PRKCA: variants seen among roughly 807,000 people sequenced by gnomAD.
The protein encoded by PRKCA is protein kinase C alpha type.
Under a neutral mutation model 87.0 loss-of-function variants are expected in PRKCA, and 27 were observed. That is an observed-to-expected ratio of 0.31 (90% CI 0.23 to 0.43). PRKCA has a LOEUF of 0.43. PRKCA is among the 20% of genes least tolerant of loss of function. PRKCA has a pLI of 1.00. For synonymous variants in PRKCA, 329 were observed against 311.1 expected (o/e 1.06, Z -0.61); for missense variants, 518 against 852.3 (o/e 0.61, Z 4.88).
In PRKCA at chr17:66,332,938, G is replaced by A. The variant is rs567153264; in HGVS notation, c.205+26811G>A. Reference sequence around the variant, plus strand: ...AATCTCCTGACCTTGTGATCCACCCGCCTTGGCCTCCCGAAGTGCTGGGAT... The same window carrying A: ...AATCTCCTGACCTTGTGATCCACCCACCTTGGCCTCCCGAAGTGCTGGGAT... On this transcript the variant is annotated intron_variant, in intron 2 of 16. Coordinates refer to ENST00000413366, the MANE Select transcript of PRKCA (RefSeq NM_002737.3). 3.3e-5 allele frequency among the ~76,000 whole-genome samples: 5 copies of A among 152,212 alleles called. No individual in the cohort carries two copies. In the South Asian group the frequency reaches 6.2e-4, roughly 19 times the overall value.
intron 2 of PRKCA, among the ~76,000 whole-genome samples, chr17:66,380,908 A>G (rs1909740402): frequency 6.6e-6 from 1 of 151,878 alleles, no homozygotes; most frequent in African/African-American, 2.4e-5. Flanking sequence ...TTTGTTCCTT[A>G]TAAAGAATCT....
chr17:66,632,166 T>G (rs1971033899), intron 3 of PRKCA, among the ~76,000 whole-genome samples: 1 of 152,190 alleles, frequency 6.6e-6, no homozygotes, highest in Non-Finnish European at 1.5e-5. Context: ...ATAGCCAGTG[T>G]ATTCAGCTGG....
At chr17:66,426,332 T>C (rs1488924477) in intron 2 of PRKCA, among the ~76,000 whole-genome samples, 1 of 152,058 alleles carries the variant, frequency 6.6e-6, no homozygotes, top group Admixed American at 6.6e-5. Flanking sequence ...TTTTGTAAGT[T>C]TTTGAGGAGA....
chr17:66,317,141 C>CAAA (rs1203756925), intron 2 of PRKCA, among the ~76,000 whole-genome samples: 1 of 82,230 alleles, frequency 1.2e-5, no homozygotes. Flanking sequence ...GACTCTGTCT[C>CAAA]AAAAAAAAAA....
At chr17:66,773,650 G>A (rs781761523) in intron 13 of PRKCA, among the ~76,000 whole-genome samples, 14 of 151,812 alleles carry the variant, frequency 9.2e-5, no homozygotes, top group African/African-American at 1.5e-4. Flanking sequence ...TGCTGCACCC[G>A]GCCTCTGGCT....
intron 8 of PRKCA, among the ~76,000 whole-genome samples, chr17:66,693,189 A>T (rs1215690201): frequency 6.6e-6 from 1 of 152,198 alleles, no homozygotes; most frequent in Non-Finnish European, 1.5e-5. Context: ...GGAATATTCC[A>T]GGGTGGCTGG....
At chr17:66,396,777 C>T (rs1910701922) in intron 2 of PRKCA, among the ~76,000 whole-genome samples, 2 of 150,464 alleles carry the variant, frequency 1.3e-5, no homozygotes, top group Admixed American at 1.3e-4. Context: ...TACAGGCACC[C>T]GCCACCATGC....
chr17:66,487,314 C>A (rs1232551735), intron 2 of PRKCA, among the ~76,000 whole-genome samples: 1 of 152,102 alleles, frequency 6.6e-6, no homozygotes, highest in Admixed American at 6.6e-5. Context: ...CACATAATGA[C>A]CTCCAGTTCT....
At chr17:66,546,087 GGT>G (rs1968137620) in intron 3 of PRKCA, among the ~76,000 whole-genome samples, 2 of 152,034 alleles carry the variant, frequency 1.3e-5, no homozygotes, top group African/African-American at 4.8e-5. Context: ...TATGTAGTCT[GGT>G]CCTTTTTTAT....
intron 5 of PRKCA, among the ~76,000 whole-genome samples, chr17:66,665,392 T>TC (rs952032699): frequency 1.3e-5 from 2 of 152,080 alleles, no homozygotes; most frequent in African/African-American, 4.8e-5. Flanking sequence ...ATACGCTGAG[T>TC]CACCTGCATG....
chr17:66,732,659 C>T (rs1037882446), intron 8 of PRKCA, 29 bp from the exon 9 acceptor site: 7 of 1,613,514 alleles, frequency 4.3e-6, no homozygotes, highest in Middle Eastern at 1.6e-4. Context: ...AAATGACCCA[C>T]GTGTTTCCCA....
chr17:66,781,915 T>TGTGA (rs1259478690), intron 14 of PRKCA, among the ~76,000 whole-genome samples: 3 of 144,454 alleles, frequency 2.1e-5, no homozygotes, highest in South Asian at 2.2e-4. Flanking sequence ...TGTGTGTGTG[T>TGTGA]GTGAGTGAGT....
chr17:66,425,947 C>T (rs996191306), intron 2 of PRKCA, among the ~76,000 whole-genome samples: 15 of 152,110 alleles, frequency 9.9e-5, no homozygotes, highest in Non-Finnish European at 7.3e-5. Context: ...AATTACCCTC[C>T]GTGACCATGC....
intron 5 of PRKCA, among the ~76,000 whole-genome samples, chr17:66,683,147 GCTAGAAATGAATAACAT>G (rs771729745): frequency 5.3e-5 from 8 of 152,196 alleles, no homozygotes; most frequent in Non-Finnish European, 1.2e-4. Context: ...ACTGGATCCA[GCTAGAAATGAATAACAT>G]CTATTTTCAT....
At chr17:66,594,859 A>C (rs1461656225) in intron 3 of PRKCA, among the ~76,000 whole-genome samples, 2 of 152,156 alleles carry the variant, frequency 1.3e-5, no homozygotes, top group Admixed American at 6.5e-5. Context: ...AGAAACCTTT[A>C]TATATACTCT....
intron 3 of PRKCA, among the ~76,000 whole-genome samples, chr17:66,605,363 A>G (rs1970174824): frequency 6.6e-6 from 1 of 152,192 alleles, no homozygotes; most frequent in African/African-American, 2.4e-5. Flanking sequence ...TGTTGGTGGG[A>G]ATACACCATA....
At chr17:66,499,386 ATC>A (rs1202499491) in intron 3 of PRKCA, among the ~76,000 whole-genome samples, 1 of 152,196 alleles carries the variant, frequency 6.6e-6, no homozygotes, top group African/African-American at 2.4e-5. Context: ...CTGTGATCGT[ATC>A]TCTGTGTTTG....
intron 3 of PRKCA, among the ~76,000 whole-genome samples, chr17:66,611,949 G>C (rs1970376608): frequency 2.0e-5 from 3 of 151,894 alleles, no homozygotes; most frequent in Admixed American, 6.6e-5. Flanking sequence ...TGTGTTTATT[G>C]GTCATTATAT....
At chr17:66,377,722 T>TATA (rs1491296808) in intron 2 of PRKCA, among the ~76,000 whole-genome samples, 150 of 30,220 alleles carry the variant, frequency 5.0e-3, no homozygotes, top group Middle Eastern at 0.019. Context: ...TATATATATA[T>TATA]TTTTTTTTTT....
Sources: gnomAD v4.1 joint callset for allele counts (sites outside exome capture counted in the v4.1 genomes callset) on GRCh38, gnomAD v4.1.1 for gene constraint, MANE v1.5 for transcripts, NCBI Gene and HGNC (gene_info 2026-07-23, HGNC 2026-07-21) for gene names.